CHN1: variants seen among roughly 807,000 people sequenced by gnomAD.
The protein encoded by CHN1 is chimerin 1, also known as N-chimaerin.
Under a neutral mutation model 59.5 loss-of-function variants are expected in CHN1, and 37 were observed. The ratio of observed to expected loss-of-function variants is 0.62; its 90% CI spans 0.48 to 0.82. The LOEUF (loss-of-function observed/expected upper bound fraction) is 0.82. CHN1 is among the 40% of genes least tolerant of loss of function. The probability of loss-of-function intolerance (pLI) is 0.00; values close to 1 mark genes in which losing one functional copy is unlikely to be tolerated. For missense variants in CHN1, 469 were observed against 571.0 expected, an observed-to-expected ratio of 0.82 and a Z score of 1.82; for synonymous variants, 206 against 200.4, an observed-to-expected ratio of 1.03 and a Z score of -0.24.
intron 1 of CHN1, among the ~76,000 whole-genome samples, chr2:174,969,335 C>T (rs983815325): frequency 5.3e-5 from 8 of 152,194 alleles, no homozygotes; most frequent in Admixed American, 3.9e-4. Context: ...CTTGGAAATG[C>T]AGAAGTGCAG....
chr2:174,948,712 CT>C (rs1411653222), intron 2 of CHN1, among the ~76,000 whole-genome samples: 1 of 152,152 alleles, frequency 6.6e-6, no homozygotes, highest in Non-Finnish European at 1.5e-5. Context: ...ATCTTGTTTA[CT>C]TTTATAGATC....
chr2:174,879,614 T>C (rs1687672999), intron 5 of CHN1, among the ~76,000 whole-genome samples: 1 of 152,216 alleles, frequency 6.6e-6, no homozygotes, highest in African/African-American at 2.4e-5. Flanking sequence ...TTTTTCAGTT[T>C]AATATACTGC....
chr2:174,946,311 A>G (rs1284623890), intron 2 of CHN1, among the ~76,000 whole-genome samples: 2 of 152,208 alleles, frequency 1.3e-5, no homozygotes, highest in African/African-American at 4.8e-5. Context: ...CTTTATAATA[A>G]TACTTGATTA....
At chr2:174,821,853 C>T (rs1685510838) in intron 8 of CHN1, 2 of 354,522 alleles carry the variant, frequency 5.6e-6, no homozygotes, top group Admixed American at 6.3e-5. Flanking sequence ...CCAAAACTCC[C>T]CATCTCAATA....
At chr2:174,819,007 C>T (rs1027670248) in intron 8 of CHN1, among the ~76,000 whole-genome samples, 1 of 151,940 alleles carries the variant, frequency 6.6e-6, no homozygotes, top group African/African-American at 2.4e-5. Flanking sequence ...TGTTTTGAAA[C>T]ATATCTCGTT....
intron 1 of CHN1, among the ~76,000 whole-genome samples, chr2:174,955,178 C>CTATA (rs1363473786): frequency 4.0e-3 from 44 of 11,068 alleles, no homozygotes; most frequent in Non-Finnish European, 7.4e-3. Context: ...CTCTATATAT[C>CTATA]TATATCTATA....
intron 5 of CHN1, among the ~76,000 whole-genome samples, chr2:174,908,710 G>A (rs577524269): frequency 2.0e-5 from 3 of 152,242 alleles, no homozygotes; most frequent in East Asian, 1.9e-4. Flanking sequence ...TATCTGGCAC[G>A]ATATAGAAGC....
At position 174,824,530 on chromosome 2, in the gene CHN1, A is replaced by G; in HGVS notation, c.628-12T>C. 6.4e-7 allele frequency: 1 copy of G among 1,568,056 alleles called. No individual in the cohort carries two copies. The highest frequency in any genetic ancestry group is 8.7e-7 in the Non-Finnish European group (1 of 1,154,308). On this transcript the variant is annotated splice_polypyrimidine_tract_variant and intron_variant, in intron 7 of 12. Transcript: ENST00000409900. ...CTGAATGTATGCACCTGAAAAAAAA[A>G]AAGAGGGGCAAAGTCAGGAAAGGGG...
chr2:174,989,188 C>G (rs945589477), intron 1 of CHN1, among the ~76,000 whole-genome samples: 1 of 151,216 alleles, frequency 6.6e-6, no homozygotes, highest in Admixed American at 6.6e-5. Flanking sequence ...CCAGCCTGGC[C>G]AACATGGTGA....
At chr2:174,958,260 G>A (rs545588794) in intron 1 of CHN1, among the ~76,000 whole-genome samples, 6 of 152,262 alleles carry the variant, frequency 3.9e-5, no homozygotes, top group Non-Finnish European at 5.9e-5. Context: ...TCTCCTGGAC[G>A]CTGTCCTGTG....
Position 174,912,873 on chromosome 2 carries a change from A to G in CHN1, c.260+2185T>C, listed in dbSNP as rs1291506411. 8.5e-5 allele frequency among the ~76,000 whole-genome samples: 13 copies of G among 152,160 alleles called. No homozygotes were observed. In the East Asian group the frequency reaches 2.5e-3, roughly 29 times the overall value. On this transcript the variant is annotated intron_variant, in intron 5 of 12. Coordinates refer to ENST00000409900, the MANE Select transcript of CHN1 (RefSeq NM_001822.7). ...ACTCACTATTTTTTCTTTTCCAAGT[A>G]ATGATTTTATGGCAATTTTCAGTAA... is the stretch of plus-strand genomic sequence containing the variant.
In CHN1 at chr2:174,941,095, C is replaced by T. The variant is rs138590199; in HGVS notation, c.114+3793G>A. ...CATAATGTGTTATAATCCATACCTA[C>T]CATTATTCTTTTAGATGTTCAAATT... On this transcript the variant is annotated intron_variant, in intron 3 of 12. Transcript: ENST00000409900. Among the ~76,000 whole-genome samples, 979 of 152,152 alleles carry T rather than the reference C, an allele frequency of 6.4e-3. 16 individuals carry two copies. Among genetic ancestry groups the T allele is most frequent in the African/African-American group, 0.022 (930 of 41,512 alleles).
chr2:174,955,828 A>C (rs1243554023), intron 1 of CHN1, among the ~76,000 whole-genome samples: 1 of 152,162 alleles, frequency 6.6e-6, no homozygotes, highest in East Asian at 1.9e-4. Flanking sequence ...TCTCACTTAT[A>C]AGTGGAGCTA....
intron 1 of CHN1, among the ~76,000 whole-genome samples, chr2:175,002,466 G>C (rs1333255091): frequency 6.6e-6 from 1 of 152,098 alleles, no homozygotes. Flanking sequence ...ATACTTAACA[G>C]GTGAAAAAAA....
At chr2:174,834,057 C>T (rs1292575528) in intron 7 of CHN1, among the ~76,000 whole-genome samples, 3 of 152,192 alleles carry the variant, frequency 2.0e-5, no homozygotes, top group African/African-American at 7.2e-5. Context: ...CCTCCTGCCT[C>T]AGCCTTCCAG....
intron 1 of CHN1, among the ~76,000 whole-genome samples, chr2:174,989,622 T>C (rs34981291): frequency 0.049 from 7,441 of 152,006 alleles, 236 homozygotes; most frequent in Middle Eastern, 0.085. Context: ...AGACCCTGTC[T>C]CTACAGATTA....
At chr2:174,830,740 G>C (rs1299842194) in intron 7 of CHN1, among the ~76,000 whole-genome samples, 6 of 152,292 alleles carry the variant, frequency 3.9e-5, no homozygotes, top group African/African-American at 1.4e-4. Context: ...CAGGAGTGAG[G>C]GAGGCACTAG....
intron 7 of CHN1, among the ~76,000 whole-genome samples, chr2:174,841,437 C>A (rs1216698894): frequency 1.3e-5 from 2 of 152,178 alleles, no homozygotes; most frequent in Non-Finnish European, 2.9e-5. Context: ...AACAGAAATA[C>A]AATGTTTACA....
At chr2:174,988,911 G>GT (rs1264034415) in intron 1 of CHN1, among the ~76,000 whole-genome samples, 1 of 152,026 alleles carries the variant, frequency 6.6e-6, no homozygotes, top group African/African-American at 2.4e-5. Flanking sequence ...CATTCAAATC[G>GT]TAAGTCAGAA....
Sources: allele counts gnomAD v4.1 joint callset (sites outside exome capture counted in the v4.1 genomes callset), GRCh38; gene constraint gnomAD v4.1.1; transcripts MANE v1.5; gene names NCBI Gene and HGNC (gene_info 2026-07-23, HGNC 2026-07-21).